DNAH14: variants seen among roughly 807,000 people sequenced by gnomAD.
DNAH14 encodes the protein dynein axonemal heavy chain 14.
Under a neutral mutation model 520.9 loss-of-function variants are expected in DNAH14, and 478 were observed. That is an observed-to-expected ratio of 0.92 (90% confidence interval 0.85 to 0.99). The LOEUF (loss-of-function observed/expected upper bound fraction) is 0.99. Ranked by LOEUF, DNAH14 falls within the 50% of genes least tolerant of loss-of-function variation. DNAH14 has a pLI of 0.00. For missense variants in DNAH14, 4,831 were observed against 5,234.5 expected (o/e 0.92, Z 2.38); for synonymous variants, 1,581 against 1,757.2 (o/e 0.90, Z 2.51).
intron 17 of DNAH14, among the ~76,000 whole-genome samples, chr1:225,055,809 G>T (rs577419698): frequency 2.0e-5 from 3 of 151,742 alleles, no homozygotes; most frequent in Admixed American, 1.3e-4. Flanking sequence ...CCTTGCGATA[G>T]TTTGCTGAGA....
intron 1 of DNAH14, among the ~76,000 whole-genome samples, chr1:224,947,207 C>A (rs915328314): frequency 6.6e-6 from 1 of 152,044 alleles, no homozygotes; most frequent in Admixed American, 6.6e-5. Context: ...CGTGAACCAC[C>A]GCACCCAACC....
In DNAH14 at chr1:225,380,173, A is replaced by G; in HGVS notation, c.12731A>G (p.Lys4244Arg). ...ANLMIRPEQS[K>R]DELVMEILSD... is the part of the protein sequence containing the mutation. ...TTTTTTTGCAGACCTGAGCAGAGTA[A>G]GGATGAACTGGTGATGGAAATTCTA... Residue 4244 changes from lysine to arginine, a missense_variant, in exon 80 of 86, where the codon AAG becomes AGG. Transcript: ENST00000682510. 1.3e-6 allele frequency: 2 copies of G among 1,551,490 alleles called. No individual in the cohort carries two copies. Among genetic ancestry groups the G allele is most frequent in the Non-Finnish European group, 1.7e-6 (2 of 1,146,874 alleles).
chr1:225,295,701 A>G (rs1157527928), intron 55 of DNAH14, among the ~76,000 whole-genome samples: 1 of 152,194 alleles, frequency 6.6e-6, no homozygotes, highest in East Asian at 1.9e-4. Flanking sequence ...TCCGTGTGCT[A>G]ATGAAAAGAA....
chr1:225,396,845 C>A (rs961805661), intron 84 of DNAH14: 2 of 152,082 alleles, frequency 1.3e-5, no homozygotes, highest in Non-Finnish European at 2.9e-5. Flanking sequence ...CCAAGTTACA[C>A]AAGTATAAAT....
At chr1:224,957,984 C>T (rs191432470) in intron 3 of DNAH14, among the ~76,000 whole-genome samples, 6 of 152,056 alleles carry the variant, frequency 3.9e-5, no homozygotes, top group East Asian at 3.9e-4. Context: ...CATGAAGAGA[C>T]GTGATCTAAA....
rs1035380868 is a variant in DNAH14, at chr1:225,351,750, G to A, written c.11400G>A (p.Leu3800=). Residue 3800 remains leucine, a synonymous_variant, in exon 72 of 86, where the codon CTG becomes CTA. Coordinates refer to ENST00000682510, the MANE Select transcript of DNAH14 (RefSeq NM_001367479.1). The part of the protein sequence containing the change: ...VSTHLEPFSL[L]CKSLLSNVSQ... ...CTCACCTGGAACCATTTTCACTTCT[G>A]TGCAAATCCCTTTTATCAAACGTAT... is the stretch of plus-strand genomic sequence containing the variant. 8.4e-6 allele frequency: 13 copies of A among 1,551,192 alleles called. No individual in the cohort carries two copies. Among genetic ancestry groups the A allele is most frequent in the African/African-American group, 1.4e-5 (1 of 72,988 alleles).
chr1:224,958,113 G>A (rs1183741850), intron 3 of DNAH14, among the ~76,000 whole-genome samples: 2 of 152,046 alleles, frequency 1.3e-5, no homozygotes, highest in East Asian at 3.9e-4. Context: ...GTTTGAAAAT[G>A]GCAAGTTGAA....
chr1:225,091,258 A>G (rs2074365809), intron 21 of DNAH14, among the ~76,000 whole-genome samples: 1 of 152,084 alleles, frequency 6.6e-6, no homozygotes, highest in Admixed American at 6.6e-5. Context: ...GAGGTACACT[A>G]CAAGATGACC....
chr1:225,314,533 A>G (rs2094432568), intron 60 of DNAH14, among the ~76,000 whole-genome samples: 1 of 152,128 alleles, frequency 6.6e-6, no homozygotes, highest in Non-Finnish European at 1.5e-5. Flanking sequence ...TCATAGTGTT[A>G]ATGGTCTTTA....
At chr1:225,192,623 A>G (rs964919721) in intron 37 of DNAH14, 73 bp from the exon 38 acceptor site, 6 of 1,087,754 alleles carry the variant, frequency 5.5e-6, no homozygotes, top group Admixed American at 2.7e-5. Context: ...ACCTTTTAAT[A>G]ATAAGAATGC....
chr1:225,082,644 C>T lies in DNAH14; in HGVS notation c.3232C>T (p.Leu1078Phe), dbSNP rs1198189199. The T allele has an allele frequency of 6.4e-7, 1 of 1,551,564 alleles. No individual in the cohort carries two copies. Among genetic ancestry groups the T allele is most frequent in the Non-Finnish European group, 8.7e-7 (1 of 1,146,942 alleles). The part of the protein sequence containing the change: ...PIIIALGNPC[L>F]KPRHWEALQE... ...CATTATAGCTCTGGGAAATCCCTGTCTCAAGCCAAGGCATTGGGAGGCTCT... is the reference window on the plus strand; with the variant it reads ...CATTATAGCTCTGGGAAATCCCTGTTTCAAGCCAAGGCATTGGGAGGCTCT... The change falls in exon 20 of 86, where the codon CTC (leucine) becomes TTC (phenylalanine). Residue 1078 changes from leucine to phenylalanine, a missense_variant. Leu to Phe is a conservative substitution (Grantham distance 22). Transcript: ENST00000682510.
At chr1:224,967,651 A>C in intron 6 of DNAH14, 68 bp downstream of exon 6, 1 of 1,596,956 alleles carries the variant, frequency 6.3e-7, no homozygotes, top group Non-Finnish European at 8.5e-7. Context: ...GGTAGAATTT[A>C]ATTGCATACA....
At chr1:225,144,053 A>G (rs1295128652) in intron 28 of DNAH14, among the ~76,000 whole-genome samples, 1 of 152,204 alleles carries the variant, frequency 6.6e-6, no homozygotes. Flanking sequence ...ATCATCTTCA[A>G]TCACAGTCTT....
At chr1:225,130,851 G>GA (rs1244680819) in intron 27 of DNAH14, among the ~76,000 whole-genome samples, 2 of 151,686 alleles carry the variant, frequency 1.3e-5, no homozygotes, top group Non-Finnish European at 2.9e-5. Context: ...ATAAAAAAAG[G>GA]AAAAAATGCA....
intron 1 of DNAH14, among the ~76,000 whole-genome samples, chr1:224,945,051 C>T (rs996053842): frequency 2.6e-5 from 4 of 152,202 alleles, no homozygotes; most frequent in African/African-American, 9.7e-5. Context: ...CCTTGCTAGA[C>T]TGGGGAAGTT....
intron 28 of DNAH14, among the ~76,000 whole-genome samples, chr1:225,143,012 C>G (rs2149037100): frequency 6.6e-6 from 1 of 152,076 alleles, no homozygotes; most frequent in East Asian, 1.9e-4. Flanking sequence ...TTGTTTCAAG[C>G]AACCTACTAA....
chr1:225,021,330 A>G (rs1027572997), intron 10 of DNAH14, among the ~76,000 whole-genome samples: 9 of 152,190 alleles, frequency 5.9e-5, no homozygotes, highest in Admixed American at 4.6e-4. Context: ...AGCATAAGGC[A>G]TCCAGATAGG....
chr1:225,358,694 G>A, intron 74 of DNAH14, 42 bp downstream of exon 74: 1 of 1,526,054 alleles, frequency 6.6e-7, no homozygotes, highest in Non-Finnish European at 8.8e-7. Flanking sequence ...ATATGGTTTG[G>A]CTCTGTGTCC....
intron 28 of DNAH14, among the ~76,000 whole-genome samples, chr1:225,141,489 G>A (rs74147130): frequency 0.025 from 3,543 of 139,150 alleles, 122 homozygotes; most frequent in African/African-American, 0.077. Context: ...GGGGGCGGGG[G>A]CGGTCCTGAA....
Sources: gnomAD v4.1 joint callset for allele counts (sites outside exome capture counted in the v4.1 genomes callset) on GRCh38, gnomAD v4.1.1 for gene constraint, MANE v1.5 for transcripts, NCBI Gene and HGNC (gene_info 2026-07-23, HGNC 2026-07-21) for gene names.